GRB14: variants seen among roughly 807,000 people sequenced by gnomAD.
The protein encoded by GRB14 is growth factor receptor-bound protein 14.
A neutral mutation model predicts 69.1 loss-of-function variants in GRB14; 38 were observed. That is an observed-to-expected ratio of 0.55 (90% confidence interval 0.42 to 0.72). The LOEUF is 0.72. GRB14 is among the 30% of genes least tolerant of loss of function. The probability of loss-of-function intolerance (pLI) is 0.00; values close to 1 mark genes in which losing one functional copy is unlikely to be tolerated. For missense variants in GRB14, 666 were observed against 666.1 expected (o/e 1.00, Z 0.00); for synonymous variants, 247 against 241.3 (o/e 1.02, Z -0.22).
intron 2 of GRB14, among the ~76,000 whole-genome samples, chr2:164,576,716 A>C (rs1689260831): frequency 6.6e-6 from 1 of 151,898 alleles, no homozygotes; most frequent in Admixed American, 6.6e-5. Context: ...AGGTATATTA[A>C]ACAAAAATAA....
At chr2:164,558,416 C>T (rs1206412532) in intron 2 of GRB14, among the ~76,000 whole-genome samples, 1 of 152,098 alleles carries the variant, frequency 6.6e-6, no homozygotes, top group Non-Finnish European at 1.5e-5. Context: ...CCTAAGTTAT[C>T]ACATACAGAC....
Position 164,497,093 on chromosome 2 carries a change from T to G in GRB14, c.1297A>C (p.Ile433Leu). 6.2e-7 allele frequency: 1 copy of G among 1,613,430 alleles called. No individual in the cohort carries two copies. Among genetic ancestry groups the G allele is most frequent in the Non-Finnish European group, 8.5e-7 (1 of 1,179,474 alleles). Residue 433 changes from isoleucine (I) to leucine (L), a missense_variant and splice_region_variant, in exon 12 of 14, where the codon ATC becomes CTC. Coordinates refer to ENST00000263915, the MANE Select transcript of GRB14 (RefSeq NM_004490.3). ...SSQSSATNMAIHRSQPWFHHK... is the reference protein window; with the variant it reads ...SSQSSATNMALHRSQPWFHHK... ...TGAAACCATGGCTGGGACCGGTGGA[T>G]AGCTAAAGAAATAGGATGGATGAAT...
chr2:164,594,118 A>T (rs1170802844), intron 2 of GRB14, among the ~76,000 whole-genome samples: 1 of 152,056 alleles, frequency 6.6e-6, no homozygotes, highest in Non-Finnish European at 1.5e-5. Context: ...AGTAGATAGC[A>T]TCTAAAGTAT....
chr2:164,572,306 A>G (rs569701183), intron 2 of GRB14, among the ~76,000 whole-genome samples: 71 of 152,306 alleles, frequency 4.7e-4, no homozygotes, highest in African/African-American at 1.7e-3. Flanking sequence ...CTCAACTTCA[A>G]CGAAGCTCCC....
chr2:164,545,669 AACAGCAACC>A (rs1688355342), intron 3 of GRB14, among the ~76,000 whole-genome samples: 1 of 152,228 alleles, frequency 6.6e-6, no homozygotes, highest in East Asian at 1.9e-4. Flanking sequence ...GGTAATTTGG[AACAGCAACC>A]ACAGGAAACT....
chr2:164,509,403 T>C (rs1288945975), intron 6 of GRB14, among the ~76,000 whole-genome samples: 2 of 152,144 alleles, frequency 1.3e-5, no homozygotes, highest in African/African-American at 4.8e-5. Flanking sequence ...TCTGTACAGA[T>C]AGATGAGTTC....
intron 2 of GRB14, among the ~76,000 whole-genome samples, chr2:164,552,222 A>G (rs1186807761): frequency 6.6e-6 from 1 of 152,230 alleles, no homozygotes; most frequent in Non-Finnish European, 1.5e-5. Context: ...TGGAGAGGAC[A>G]AATATCCAAA....
chr2:164,527,047 A>T lies in GRB14; in HGVS notation c.570T>A (p.Asn190Lys), dbSNP rs1238718093. The T allele has an allele frequency of 4.4e-6, 7 of 1,598,724 alleles. No homozygotes were observed. Among genetic ancestry groups the T allele is most frequent in the Admixed American group, 3.4e-5 (2 of 59,390 alleles). ...TTTTAAAGAACTCATATTTGGCATA[A>T]TTTTTTCTAAAGTATAGTTTGTTTT... ...EEENKLYFRK[N>K]YAKYEFFKNP... Residue 190 changes from asparagine (N) to lysine (K), a missense_variant, in exon 4 of 14, where the codon AAT becomes AAA. Physicochemically the swap from Asn to Lys is moderately conservative, Grantham distance 94. Coordinates refer to ENST00000263915, the MANE Select transcript of GRB14 (RefSeq NM_004490.3).
chr2:164,505,932 AAAGG>A (rs1373487875), intron 8 of GRB14, among the ~76,000 whole-genome samples: 2 of 152,184 alleles, frequency 1.3e-5, no homozygotes, highest in Non-Finnish European at 2.9e-5. Flanking sequence ...AATGCTGATT[AAAGG>A]AAGTGGGCTT....
At position 164,604,355 on chromosome 2, in the gene GRB14, C is replaced by T. The variant is rs189623320; in HGVS notation, c.324+15332G>A. 2.1e-3 allele frequency among the ~76,000 whole-genome samples: 324 copies of T among 151,984 alleles called. 9 individuals carry two copies. The Middle Eastern group carries it at 0.031, about 14-fold the overall frequency. ...AACAAAAAATTGTGGTACATGCATA[C>T]AATGAAATAAAATTAAAATAAGTGA... On this transcript the variant is annotated intron_variant, in intron 2 of 13. Coordinates refer to ENST00000263915, the MANE Select transcript of GRB14 (RefSeq NM_004490.3).
intron 2 of GRB14, among the ~76,000 whole-genome samples, chr2:164,614,758 T>C (rs1158439091): frequency 1.3e-5 from 2 of 152,128 alleles, no homozygotes; most frequent in Non-Finnish European, 1.5e-5. Flanking sequence ...AAAATAAGTA[T>C]ATGAAATTTC....
intron 2 of GRB14, among the ~76,000 whole-genome samples, chr2:164,566,782 G>T (rs533201867): frequency 6.6e-6 from 1 of 152,006 alleles, no homozygotes; most frequent in South Asian, 2.1e-4. Context: ...TAAAATATTT[G>T]GTTCACAGAA....
chr2:164,617,959 T>TG (rs68125620), intron 2 of GRB14, among the ~76,000 whole-genome samples: 257 of 77,048 alleles, frequency 3.3e-3, no homozygotes, highest in Non-Finnish European at 4.8e-3. Context: ...ATCTTTTTTT[T>TG]GGGGGGGGGG....
chr2:164,515,957 A>G (rs959623176), intron 6 of GRB14, among the ~76,000 whole-genome samples: 1 of 152,032 alleles, frequency 6.6e-6, no homozygotes, highest in African/African-American at 2.4e-5. Flanking sequence ...GAATCAAACA[A>G]GTAGAAGAAA....
At chr2:164,500,510 T>C (rs1315508860) in intron 9 of GRB14, among the ~76,000 whole-genome samples, 2 of 152,174 alleles carry the variant, frequency 1.3e-5, no homozygotes, top group Non-Finnish European at 2.9e-5. Flanking sequence ...TAAAGAGTAC[T>C]GGCATCTTTT....
chr2:164,604,201 T>C (rs1413981827), intron 2 of GRB14, among the ~76,000 whole-genome samples: 1 of 152,174 alleles, frequency 6.6e-6, no homozygotes, highest in Non-Finnish European at 1.5e-5. Flanking sequence ...TGCACCTGTC[T>C]ACAGCCAAGC....
At chr2:164,496,695 AT>A (rs1457157117) in intron 12 of GRB14, among the ~76,000 whole-genome samples, 2 of 152,196 alleles carry the variant, frequency 1.3e-5, no homozygotes, top group Admixed American at 6.5e-5. Flanking sequence ...AAAGAAGTTC[AT>A]TTTCCCCCAT....
chr2:164,531,816 G>T (rs571789936), intron 3 of GRB14, among the ~76,000 whole-genome samples: 20 of 152,162 alleles, frequency 1.3e-4, no homozygotes, highest in Non-Finnish European at 2.2e-4. Context: ...TTTAACAGTG[G>T]TATGTGGCTC....
At chr2:164,588,164 T>C (rs12476305) in intron 2 of GRB14, among the ~76,000 whole-genome samples, 75,748 of 152,038 alleles carry the variant, frequency 0.5, 20,165 homozygotes, top group Admixed American at 0.6. Flanking sequence ...CTAGAACTCC[T>C]CTTTAAAATA....
Sources: gnomAD v4.1 joint callset for allele counts (sites outside exome capture counted in the v4.1 genomes callset) on GRCh38, gnomAD v4.1.1 for gene constraint, MANE v1.5 for transcripts, NCBI Gene and HGNC (gene_info 2026-07-23, HGNC 2026-07-21) for gene names.